FGF14: variants seen among roughly 807,000 people sequenced by gnomAD.
The protein encoded by FGF14 is fibroblast growth factor homologous factor 4.
In FGF14, 5 loss-of-function variants were observed where a neutral mutation model predicts 25.5. The observed-to-expected ratio is 0.20, with a 90% CI of 0.10 to 0.41. The LOEUF (loss-of-function observed/expected upper bound fraction) is 0.41. Ranked by LOEUF, FGF14 falls within the 10% of genes least tolerant of loss-of-function variation. The pLI, the probability that FGF14 is intolerant of heterozygous loss-of-function variation, is 1.00. For synonymous variants in FGF14, 138 were observed against 118.3 expected (o/e 1.17, Z -1.08); for missense variants, 222 against 320.1 (o/e 0.69, Z 2.34).
chr13:102,014,796 T>C (rs891530566), intron 1 of FGF14, among the ~76,000 whole-genome samples: 1 of 152,200 alleles, frequency 6.6e-6, no homozygotes, highest in South Asian at 2.1e-4. Flanking sequence ...TTAATCGCCA[T>C]GGTTCTTTGT....
chr13:102,155,980 A>G (rs1050580026), intron 1 of FGF14, among the ~76,000 whole-genome samples: 5 of 152,242 alleles, frequency 3.3e-5, no homozygotes, highest in African/African-American at 7.2e-5. Flanking sequence ...ATCTCTGAAT[A>G]GACCAATAAT....
rs569783964 is a variant in FGF14 at position 101,715,799 on chromosome 13, G to A, written c.*7032C>T. The A allele has an allele frequency of 9.3e-6, 5 of 539,924 alleles. No individual in the cohort carries two copies. Among genetic ancestry groups the A allele is most frequent in the East Asian group, 8.8e-5 (3 of 34,080 alleles). The allele number at this position is 539,924 out of a possible 1,614,324, so 33.4% of individuals were successfully genotyped here. A position where few individuals can be genotyped will look rare whatever the true frequency, so the allele number is the denominator to read the frequency against. ...TATTTCTGAATTACGAATGAAATCC[G>A]AGTACCTATTAGAAATGAGTTATGC... is the stretch of plus-strand genomic sequence containing the variant. On this transcript the variant is annotated 3_prime_UTR_variant, in exon 5 of 5. Coordinates refer to ENST00000376143, the MANE Select transcript of FGF14 (RefSeq NM_004115.4).
intron 1 of FGF14, among the ~76,000 whole-genome samples, chr13:102,022,286 C>T (rs895907138): frequency 5.9e-5 from 9 of 152,072 alleles, no homozygotes; most frequent in African/African-American, 2.2e-4. Context: ...ATTGCCAGAA[C>T]TCATCTCTTT....
At chr13:101,843,836 A>G (rs957724533) in intron 3 of FGF14, among the ~76,000 whole-genome samples, 3 of 151,988 alleles carry the variant, frequency 2.0e-5, no homozygotes, top group African/African-American at 7.2e-5. Context: ...AATGCATGTA[A>G]AGAGAGCTCT....
At chr13:102,006,934 C>T (rs969924643) in intron 1 of FGF14, among the ~76,000 whole-genome samples, 3 of 150,430 alleles carry the variant, frequency 2.0e-5, no homozygotes, top group Admixed American at 6.6e-5. Flanking sequence ...TTAGTAGAGA[C>T]GGGGTTTCAC....
chr13:102,319,764 T>C (rs1330288833), intron 1 of FGF14, among the ~76,000 whole-genome samples: 2 of 152,206 alleles, frequency 1.3e-5, no homozygotes, highest in Admixed American at 6.5e-5. Context: ...CACTGTGCAT[T>C]TTTTGGAGCA....
intron 3 of FGF14, among the ~76,000 whole-genome samples, chr13:101,779,884 T>A (rs575146769): frequency 5.3e-5 from 8 of 152,222 alleles, no homozygotes; most frequent in South Asian, 2.1e-4. Flanking sequence ...ATGGGCTATG[T>A]GTTTCTTTAG....
At chr13:102,360,017 T>C (rs377284920) in intron 1 of FGF14, among the ~76,000 whole-genome samples, 7 of 136,448 alleles carry the variant, frequency 5.1e-5, no homozygotes, top group African/African-American at 2.0e-4. Context: ...AACACGATGA[T>C]GTCTTTAAAA....
intron 1 of FGF14, among the ~76,000 whole-genome samples, chr13:101,877,290 A>T (rs2045454421): frequency 6.6e-6 from 1 of 152,128 alleles, no homozygotes; most frequent in Non-Finnish European, 1.5e-5. Flanking sequence ...ATTTTGATTC[A>T]TCTGGTTACA....
chr13:102,391,460 GAT>G (rs1042370891), intron 1 of FGF14, among the ~76,000 whole-genome samples: 2 of 152,100 alleles, frequency 1.3e-5, no homozygotes, highest in African/African-American at 4.8e-5. Flanking sequence ...CTAGAAAAGA[GAT>G]AATAATAAGC....
At chr13:101,981,679 G>C (rs899263453) in intron 1 of FGF14, among the ~76,000 whole-genome samples, 2 of 151,972 alleles carry the variant, frequency 1.3e-5, no homozygotes, top group Admixed American at 1.3e-4. Context: ...AAAAACCCTC[G>C]AAATTATACT....
At chr13:102,355,590 C>A (rs955257286) in intron 1 of FGF14, among the ~76,000 whole-genome samples, 1 of 149,706 alleles carries the variant, frequency 6.7e-6, no homozygotes, top group African/African-American at 2.5e-5. Context: ...GAAATTGTTA[C>A]CCCAAATAAC....
At chr13:102,104,487 T>G (rs1354772297) in intron 1 of FGF14, among the ~76,000 whole-genome samples, 1 of 152,198 alleles carries the variant, frequency 6.6e-6, no homozygotes, top group Admixed American at 6.5e-5. Context: ...CAAAGGTATT[T>G]GCATTCTACA....
intron 1 of FGF14, among the ~76,000 whole-genome samples, chr13:102,357,659 A>G (rs2057456500): frequency 6.6e-6 from 1 of 152,170 alleles, no homozygotes; most frequent in Non-Finnish European, 1.5e-5. Context: ...TAATAGGGAC[A>G]TTGTGGAGTT....
intron 3 of FGF14, among the ~76,000 whole-genome samples, chr13:101,812,854 A>C (rs1050528748): frequency 1.3e-5 from 2 of 150,962 alleles, no homozygotes; most frequent in Non-Finnish European, 3.0e-5. Context: ...TTTGGTAGAG[A>C]TGGGGTTTCA....
chr13:102,153,130 G>A (rs1378372097), intron 1 of FGF14, among the ~76,000 whole-genome samples: 2 of 152,178 alleles, frequency 1.3e-5, no homozygotes, highest in Non-Finnish European at 2.9e-5. Flanking sequence ...ATAGGACAGA[G>A]CTTTTGTAGA....
intron 1 of FGF14, among the ~76,000 whole-genome samples, chr13:102,207,568 G>A (rs2049981989): frequency 8.1e-6 from 1 of 123,068 alleles, no homozygotes; most frequent in Non-Finnish European, 1.7e-5. Context: ...AAATAACAAT[G>A]ACATTTTAAC....
chr13:102,265,772 C>T (rs778100731), intron 1 of FGF14, among the ~76,000 whole-genome samples: 3 of 151,978 alleles, frequency 2.0e-5, no homozygotes, highest in Non-Finnish European at 2.9e-5. Flanking sequence ...AAACACTTTA[C>T]CTAAGAACTG....
At chr13:102,158,563 T>C (rs1163311899) in intron 1 of FGF14, among the ~76,000 whole-genome samples, 2 of 151,634 alleles carry the variant, frequency 1.3e-5, no homozygotes, top group African/African-American at 4.9e-5. Context: ...GAGATATACC[T>C]AATGTTAAAT....
Sources: gnomAD v4.1 joint callset for allele counts (sites outside exome capture counted in the v4.1 genomes callset) on GRCh38, gnomAD v4.1.1 for gene constraint, MANE v1.5 for transcripts, NCBI Gene and HGNC (gene_info 2026-07-23, HGNC 2026-07-21) for gene names.